The following CD33 variants were observed in gnomAD, a reference collection of about 807,000 sequenced individuals.
CD33 encodes the protein myeloid cell surface antigen CD33.
CD33 carries 25 observed loss-of-function variants against 31.4 expected under a neutral mutation model. The observed-to-expected ratio is 0.80, with a 90% CI of 0.58 to 1.11. The LOEUF (loss-of-function observed/expected upper bound fraction) is 1.11. Among genes scored for constraint, CD33 ranks in the 50% most tolerant of loss-of-function variants. CD33 has a pLI of 0.00. For missense variants in CD33, 407 were observed against 448.1 expected (o/e 0.91, Z 0.83); for synonymous variants, 176 against 180.6 (o/e 0.97, Z 0.20).
At chr19:51,213,760 T>C in the CD33 span, among the ~76,000 whole-genome samples, 57 of 151,662 alleles carry the variant, frequency 3.8e-4, no homozygotes, top group Non-Finnish European at 7.7e-4. Flanking sequence ...GATATCGAAC[T>C]CCTGACCTCA....
At chr19:51,231,151 C>T (rs1981377600) in intron 4 of CD33, among the ~76,000 whole-genome samples, 1 of 152,232 alleles carries the variant, frequency 6.6e-6, no homozygotes, top group South Asian at 2.1e-4. Context: ...CACAGCTATG[C>T]TTGATGCACC....
intron 4 of CD33, 152 bp from the exon 5 acceptor site, chr19:51,235,005 G>A (rs769739774): frequency 4.8e-5 from 30 of 627,082 alleles, no homozygotes; most frequent in Non-Finnish European, 7.5e-5. Context: ...TCTCATGGTC[G>A]TGGTCAATAT....
In CD33 at chr19:51,225,099, T is replaced by G. The variant is rs768796364; in HGVS notation, c.-20T>G. On this transcript the variant is annotated 5_prime_UTR_variant, in exon 1 of 7. Transcript: ENST00000262262. ...TCTTTTCTGCTCACACAGGAAGCCC[T>G]GGAAGCTGCTTCCTCAGACATGCCG... 44 of 1,613,358 alleles carry G rather than the reference T, an allele frequency of 2.7e-5. No homozygotes were observed. The East Asian group carries it at 3.6e-4, about 13-fold the overall frequency.
At position 51,226,095 on chromosome 19, in the gene CD33, C is replaced by T; in HGVS notation, c.697+14C>T. The T allele has an allele frequency of 6.2e-7, 1 of 1,612,392 alleles. No individual in the cohort carries two copies. ...TCAACGTCACCTGTAAGTGCTGGGC[C>T]AGGATGCTGGGGTCCCTGAGGGTGT... On this transcript the variant is annotated intron_variant, in intron 3 of 6. Coordinates refer to ENST00000262262, the MANE Select transcript of CD33 (RefSeq NM_001772.4).
chr19:51,229,796 G>A (rs541406469), intron 4 of CD33, among the ~76,000 whole-genome samples: 29 of 151,176 alleles, frequency 1.9e-4, no homozygotes, highest in African/African-American at 6.6e-4. Flanking sequence ...TCTTAGTTTA[G>A]CTAATGATTG....
chr19:51,212,547 A>T, the CD33 span, among the ~76,000 whole-genome samples: 1 of 143,032 alleles, frequency 7.0e-6, no homozygotes, highest in Admixed American at 7.0e-5. Flanking sequence ...CTCCCCTCAG[A>T]CCCCACACAC....
chr19:51,225,075 C>G, upstream of CD33: 1 of 1,612,340 alleles, frequency 6.2e-7, no homozygotes, highest in South Asian at 1.1e-5. Context: ...CTCCCTTCCT[C>G]TTTTCTGCTC....
intron 4 of CD33, among the ~76,000 whole-genome samples, chr19:51,231,914 A>T (rs1163173439): frequency 3.3e-5 from 5 of 152,016 alleles, no homozygotes; most frequent in African/African-American, 9.7e-5. Flanking sequence ...ATGTGCCACC[A>T]CGCCCAGCTA....
the CD33 span, among the ~76,000 whole-genome samples, chr19:51,215,542 T>A: frequency 6.6e-6 from 1 of 152,190 alleles, no homozygotes; most frequent in South Asian, 2.1e-4. Context: ...AACACTGCCA[T>A]GGGCTAATCT....
chr19:51,228,007 G>C (rs958241204), intron 4 of CD33, among the ~76,000 whole-genome samples: 8 of 152,088 alleles, frequency 5.3e-5, no homozygotes, highest in Admixed American at 5.2e-4. Context: ...TCATGCATTT[G>C]TCAAAATTCA....
the CD33 span, among the ~76,000 whole-genome samples, chr19:51,212,927 A>G: frequency 6.6e-6 from 1 of 152,166 alleles, no homozygotes; most frequent in African/African-American, 2.4e-5. Flanking sequence ...TTCTGTATAA[A>G]TCTTCTGCTC....
At chr19:51,211,619 G>A in the CD33 span, 18 of 1,451,288 alleles carry the variant, frequency 1.2e-5, no homozygotes, top group Admixed American at 2.7e-4. Flanking sequence ...GCAGCCACAA[G>A]GGAAGGTCAA....
intron 6 of CD33, chr19:51,236,108 A>G: frequency 2.2e-6 from 1 of 453,722 alleles, no homozygotes; most frequent in South Asian, 2.1e-5. Context: ...TAGTGAGCCG[A>G]CATAGCACCA....
the CD33 span, chr19:51,211,991 C>G: frequency 1.4e-4 from 154 of 1,121,704 alleles, no homozygotes; most frequent in Non-Finnish European, 1.9e-4. Flanking sequence ...CCCAGGACCA[C>G]GGCACCAACC....
chr19:51,231,601 A>T (rs1439540600), intron 4 of CD33, among the ~76,000 whole-genome samples: 3 of 133,900 alleles, frequency 2.2e-5, no homozygotes, highest in Non-Finnish European at 3.1e-5. Context: ...TGGTTGGCTG[A>T]TGTTTTTTTT....
At chr19:51,233,750 T>G (rs982983758) in intron 4 of CD33, among the ~76,000 whole-genome samples, 3 of 152,232 alleles carry the variant, frequency 2.0e-5, no homozygotes, top group Non-Finnish European at 4.4e-5. Context: ...TGGATTCCTC[T>G]GCTTATCATT....
chr19:51,211,211 C>G, the CD33 span: 1 of 1,574,050 alleles, frequency 6.4e-7, no homozygotes, highest in Non-Finnish European at 8.6e-7. Flanking sequence ...CCCACAGGGG[C>G]CCTGGCTATG....
intron 2 of CD33, 95 bp downstream of exon 2, chr19:51,225,693 G>A: frequency 1.3e-6 from 2 of 1,536,700 alleles, no homozygotes; most frequent in African/African-American, 1.4e-5. Flanking sequence ...GGGGTTTAGG[G>A]GTAAAGCCTG....
chr19:51,235,301 G>T (rs908331225), intron 5 of CD33, 48 bp downstream of exon 5: 2 of 1,551,160 alleles, frequency 1.3e-6, no homozygotes, highest in African/African-American at 2.7e-5. Flanking sequence ...GAAGAGGATG[G>T]ACCTGGTGTA....
Sources: allele counts gnomAD v4.1 joint callset (sites outside exome capture counted in the v4.1 genomes callset), GRCh38; gene constraint gnomAD v4.1.1; transcripts MANE v1.5; gene names NCBI Gene and HGNC (gene_info 2026-07-23, HGNC 2026-07-21).